Variants in MFSD1 observed in about 807,000 individuals in gnomAD.
The protein encoded by MFSD1 is lysosomal dipeptide transporter MFSD1.
MFSD1 carries 59 observed loss-of-function variants against 67.1 expected under a neutral mutation model. The ratio of observed to expected loss-of-function variants is 0.88; its 90% CI spans 0.71 to 1.09. The LOEUF (loss-of-function observed/expected upper bound fraction) is 1.09, where lower values mean the gene tolerates loss of function less well. MFSD1 is among the 50% of genes least tolerant of loss of function. MFSD1 has a pLI of 0.00. For synonymous variants in MFSD1, 213 were observed against 200.3 expected (o/e 1.06, Z -0.54); for missense variants, 552 against 566.1 (o/e 0.97, Z 0.25).
In MFSD1 at chr3:158,829,662, T is replaced by C. The variant is rs2108243933; in HGVS notation, c.*680T>C. The C allele has an allele frequency of 6.6e-6, 1 of 152,374 alleles. No homozygotes were observed. The highest frequency in any genetic ancestry group is 1.9e-4 in the East Asian group (1 of 5,190). The allele number at this position is 152,374 out of a possible 1,614,324, so 9.4% of individuals were successfully genotyped here. A position where few individuals can be genotyped will look rare whatever the true frequency, so the allele number is the denominator to read the frequency against. On this transcript the variant is annotated 3_prime_UTR_variant, in exon 16 of 16. Coordinates refer to ENST00000415822, the MANE Select transcript of MFSD1 (RefSeq NM_022736.4). ...ATAGTCTAATAAGTAAAAAGTGTCC[T>C]TCAAATTATGATAATTGCCTATGTA... is the stretch of plus-strand genomic sequence containing the variant.
At chr3:158,802,419 G>A (rs1022888889) in intron 1 of MFSD1, 104 bp downstream of exon 1, 2 of 1,334,512 alleles carry the variant, frequency 1.5e-6, no homozygotes, top group Admixed American at 3.6e-5. Context: ...CCTCAGCGCA[G>A]CTTCTGTCTT....
chr3:158,827,304 G>A lies in MFSD1; in HGVS notation c.1361G>A (p.Arg454Lys). 6.4e-7 allele frequency: 1 copy of A among 1,552,772 alleles called. No homozygotes were observed. Among genetic ancestry groups the A allele is most frequent in the Non-Finnish European group, 8.7e-7 (1 of 1,152,656 alleles). ...GGTGGGAACCTAAATTATTCTGCAAGACAAAGGGAAGAAATAAAATTTTCC... is the reference window on the plus strand; with the variant it reads ...GGTGGGAACCTAAATTATTCTGCAAAACAAAGGGAAGAAATAAAATTTTCC... ...AQGGNLNYSA[R>K]QREEIKFSHT... The change falls in exon 15 of 16, where the codon AGA becomes AAA. Residue 454 changes from arginine to lysine, a missense_variant. Coordinates refer to ENST00000415822, the MANE Select transcript of MFSD1 (RefSeq NM_022736.4).
rs1284438788 is a variant in MFSD1, at chr3:158,825,995, C to G, written c.1289-20C>G. ...AGAAGAAATACATATTTTAAGGGCC[C>G]TATGTTTTTTCACTCCTAGTGTCAC... is the stretch of plus-strand genomic sequence containing the variant. On this transcript the variant is annotated intron_variant, in intron 13 of 15. Coordinates refer to ENST00000415822, the MANE Select transcript of MFSD1 (RefSeq NM_022736.4). The G allele has an allele frequency of 3.1e-6, 5 of 1,602,760 alleles. No individual in the cohort carries two copies. The highest frequency in any genetic ancestry group is 1.7e-5 in the Admixed American group (1 of 59,972).
At chr3:158,804,261 A>G (rs1729604800) in intron 1 of MFSD1, 58 bp from the exon 2 acceptor site, 1 of 1,293,436 alleles carries the variant, frequency 7.7e-7, no homozygotes, top group Non-Finnish European at 1.1e-6. Context: ...TAGCAACTGC[A>G]ACTTGAAACT....
chr3:158,807,591 A>G, intron 5 of MFSD1, 128 bp downstream of exon 5: 1 of 723,530 alleles, frequency 1.4e-6, no homozygotes, highest in Non-Finnish European at 2.3e-6. Flanking sequence ...CTTCATATGC[A>G]TAAGAGTATT....
intron 7 of MFSD1, among the ~76,000 whole-genome samples, chr3:158,816,285 TCC>T (rs1730339611): frequency 6.6e-6 from 1 of 152,216 alleles, no homozygotes; most frequent in African/African-American, 2.4e-5. Context: ...GTAAAAGTGT[TCC>T]TATTTCTCCA....
At chr3:158,822,192 T>C in intron 11 of MFSD1, 52 bp downstream of exon 11, 1 of 1,544,524 alleles carries the variant, frequency 6.5e-7, no homozygotes, top group Non-Finnish European at 8.8e-7. Flanking sequence ...AAGGAGTCTG[T>C]CATGTTCATC....
intron 11 of MFSD1, chr3:158,823,189 C>A (rs1466795877): frequency 4.3e-6 from 2 of 463,606 alleles, no homozygotes; most frequent in Non-Finnish European, 3.9e-6. Flanking sequence ...GTTACATATG[C>A]ATATAATATG....
intron 7 of MFSD1, 164 bp from the exon 8 acceptor site, chr3:158,819,479 ACTCTTC>A (rs2108227022): frequency 2.1e-6 from 1 of 480,400 alleles, no homozygotes; most frequent in African/African-American, 2.0e-5. Context: ...ATTTGAATGT[ACTCTTC>A]CTCTTTTGTC....
Position 158,804,343 on chromosome 3 carries a change from C to T in MFSD1, c.188C>T (p.Pro63Leu), listed in dbSNP as rs1729612065. 1.2e-6 allele frequency: 2 copies of T among 1,610,736 alleles called. No homozygotes were observed. Among genetic ancestry groups the T allele is most frequent in the Non-Finnish European group, 1.7e-6 (2 of 1,178,916 alleles). Residue 63 changes from proline (P) to leucine (L), a missense_variant, in exon 2 of 16, where the codon CCT (proline) becomes CTT (leucine). Physicochemically the swap from Pro to Leu is moderately conservative, Grantham distance 98. Transcript: ENST00000415822. ...GGCAGCTATTTTTGCTATGATAATC[C>T]TGCTGCCCTTCAGACTCAAGTTAAA... ...GFGSYFCYDN[P>L]AALQTQVKRD...
In MFSD1 at chr3:158,829,195, T is replaced by G. The variant is rs12490494; in HGVS notation, c.*213T>G. 0.13 allele frequency: 49,505 copies of G among 385,690 alleles called. 3,442 individuals are homozygous for G. Among genetic ancestry groups the G allele is most frequent in the East Asian group, 0.18 (4,394 of 24,634 alleles). The allele number at this position is 385,690 out of a possible 1,614,324, so 23.9% of individuals were successfully genotyped here. ...TGTTGCTAAAGAATTCTACTTTTAG[T>G]AGGCTAATCAACAATGAAAGGGTTA... On this transcript the variant is annotated 3_prime_UTR_variant, in exon 16 of 16. Transcript: ENST00000415822.
intron 8 of MFSD1, 29 bp from the exon 9 acceptor site, chr3:158,820,186 C>T (rs1730600051): frequency 1.6e-6 from 2 of 1,286,630 alleles, no homozygotes; most frequent in Admixed American, 1.7e-5. Context: ...CAAAATTATG[C>T]TGATAGTGTC....
chr3:158,820,104 G>A (rs369804616), intron 8 of MFSD1, 111 bp from the exon 9 acceptor site: 50 of 617,804 alleles, frequency 8.1e-5, no homozygotes, highest in African/African-American at 4.4e-4. Flanking sequence ...ATTTTTTTAA[G>A]TTGAATTGCA....
chr3:158,803,959 T>G (rs1387703363), intron 1 of MFSD1, among the ~76,000 whole-genome samples: 1 of 152,208 alleles, frequency 6.6e-6, no homozygotes, highest in Admixed American at 6.5e-5. Context: ...GGTTGTAAAG[T>G]TTTTAGTGTA....
chr3:158,825,939 C>A, intron 13 of MFSD1, 76 bp from the exon 14 acceptor site: 1 of 1,145,176 alleles, frequency 8.7e-7, no homozygotes, highest in Non-Finnish European at 1.3e-6. Context: ...CTAAGCTTTG[C>A]TTTGTGATTA....
intron 7 of MFSD1, among the ~76,000 whole-genome samples, chr3:158,814,699 C>T (rs927794931): frequency 1.4e-4 from 21 of 152,096 alleles, no homozygotes; most frequent in African/African-American, 4.6e-4. Context: ...TGAGAACAAC[C>T]TGAGAATTTA....
chr3:158,807,376 C>T lies in MFSD1; in HGVS notation c.373-20C>T, dbSNP rs75121091. 2 of 1,595,084 alleles carry T rather than the reference C, an allele frequency of 1.3e-6. No homozygotes were observed. Among genetic ancestry groups the T allele is most frequent in the East Asian group, 4.5e-5 (2 of 44,690 alleles). On this transcript the variant is annotated intron_variant, in intron 4 of 15. Coordinates refer to ENST00000415822, the MANE Select transcript of MFSD1 (RefSeq NM_022736.4). ...TGAATTTACTTTTTCATTAATTTGACATGAACTTCTACATTATAGGTTGTT... is the reference window on the plus strand; with the variant it reads ...TGAATTTACTTTTTCATTAATTTGATATGAACTTCTACATTATAGGTTGTT...
chr3:158,804,280 G>A (rs1409579061), intron 1 of MFSD1, 39 bp from the exon 2 acceptor site: 1 of 1,458,798 alleles, frequency 6.9e-7, no homozygotes, highest in Non-Finnish European at 9.4e-7. Flanking sequence ...CTTTTATATG[G>A]GAAGTATTAT....
intron 5 of MFSD1, among the ~76,000 whole-genome samples, chr3:158,808,271 A>T (rs1424227690): frequency 6.6e-6 from 1 of 152,208 alleles, no homozygotes; most frequent in Non-Finnish European, 1.5e-5. Context: ...GTCACAAGAA[A>T]TAAGACTATT....
Sources: allele counts gnomAD v4.1 joint callset (sites outside exome capture counted in the v4.1 genomes callset), GRCh38; gene constraint gnomAD v4.1.1; transcripts MANE v1.5; gene names NCBI Gene and HGNC (gene_info 2026-07-23, HGNC 2026-07-21).